Variants in CDH7 observed in about 807,000 individuals in gnomAD.
CDH7 encodes the protein cadherin 7, also known as cadherin-7.
Under a neutral mutation model 71.8 loss-of-function variants are expected in CDH7, and 25 were observed. That is an observed-to-expected ratio of 0.35 (90% confidence interval 0.25 to 0.49). The LOEUF (loss-of-function observed/expected upper bound fraction) is 0.49. Among genes scored for constraint, CDH7 ranks in the 20% least tolerant of loss-of-function variants. CDH7 has a pLI of 0.99. For missense variants in CDH7, 862 were observed against 974.6 expected, an observed-to-expected ratio of 0.88 and a Z score of 1.54; for synonymous variants, 381 against 363.8, an observed-to-expected ratio of 1.05 and a Z score of -0.54.
chr18:65,827,715 C>A (rs1385279), intron 6 of CDH7, among the ~76,000 whole-genome samples: 1,602 of 151,766 alleles, frequency 0.011, 24 homozygotes, highest in African/African-American at 0.037. Flanking sequence ...AATATATATA[C>A]CATATTGAGG....
At chr18:65,754,306 T>A (rs1249247324) in intron 1 of CDH7, among the ~76,000 whole-genome samples, 1 of 152,188 alleles carries the variant, frequency 6.6e-6, no homozygotes, top group Non-Finnish European at 1.5e-5. Flanking sequence ...GCTGTGTGAT[T>A]CATTTCCAGG....
At chr18:65,761,450 G>C (rs192053154) in intron 1 of CDH7, among the ~76,000 whole-genome samples, 1 of 150,730 alleles carries the variant, frequency 6.6e-6, no homozygotes, top group Non-Finnish European at 1.5e-5. Context: ...AGACTGAAAA[G>C]CTTATGAGGA....
chr18:65,772,270 T>C (rs536026038), intron 2 of CDH7, among the ~76,000 whole-genome samples: 3 of 152,280 alleles, frequency 2.0e-5, no homozygotes, highest in African/African-American at 7.2e-5. Flanking sequence ...GGAATGTGTA[T>C]GGAGAAGAAA....
chr18:65,848,528 T>C (rs575910434), intron 7 of CDH7, among the ~76,000 whole-genome samples: 2 of 146,650 alleles, frequency 1.4e-5, no homozygotes, highest in South Asian at 4.5e-4. Context: ...AAGTAGGGCT[T>C]CAAGAGATGG....
chr18:65,828,060 T>C (rs1462740394), intron 6 of CDH7, among the ~76,000 whole-genome samples: 2 of 151,710 alleles, frequency 1.3e-5, no homozygotes, highest in Admixed American at 6.6e-5. Flanking sequence ...AGATACTAGA[T>C]AGTGGGAAAA....
chr18:65,823,775 C>A (rs545613068), intron 5 of CDH7, among the ~76,000 whole-genome samples: 1 of 151,634 alleles, frequency 6.6e-6, no homozygotes, highest in Non-Finnish European at 1.5e-5. Context: ...TTTCTTATCC[C>A]TTCACAAGAC....
rs148841669 is a variant in CDH7, at chr18:65,778,271, CAAAAAAAAAAAAAAA to C, written c.210+15235_210+15249del. 5.9e-5 allele frequency among the ~76,000 whole-genome samples: 5 copies of C among 84,344 alleles called. No individual in the cohort carries two copies. In the Admixed American group the frequency reaches 6.0e-4, roughly 10 times the overall value. 55.3% of individuals were successfully genotyped at this position (84,344 alleles called of 152,430 possible). On this transcript the variant is annotated intron_variant, in intron 2 of 11. Transcript: ENST00000397968. The stretch of plus-strand genomic sequence containing the variant: ...TGGGTGACAGCATGAGACTCTGTCT[CAAAAAAAAAAAAAAA>C]AAAAAAAAAAAAAAACCTAGTGCCA...
intron 3 of CDH7, 138 bp downstream of exon 3, chr18:65,810,136 G>T: frequency 1.5e-6 from 1 of 676,986 alleles, no homozygotes; most frequent in Middle Eastern, 3.3e-4. Context: ...TAGGGTGAGG[G>T]GAACATTTGA....
At chr18:65,835,663 G>A (rs2143969533) in intron 6 of CDH7, among the ~76,000 whole-genome samples, 1 of 152,294 alleles carries the variant, frequency 6.6e-6, no homozygotes, top group African/African-American at 2.4e-5. Context: ...CCTCAGCGTA[G>A]TAAGGGAATT....
At chr18:65,872,731 C>CA (rs1913964235) in intron 11 of CDH7, among the ~76,000 whole-genome samples, 1 of 151,908 alleles carries the variant, frequency 6.6e-6, no homozygotes, top group Non-Finnish European at 1.5e-5. Context: ...TCTTTCTCTA[C>CA]AAAAAATAAA....
intron 2 of CDH7, among the ~76,000 whole-genome samples, chr18:65,795,839 A>G (rs1910892476): frequency 6.6e-6 from 1 of 152,022 alleles, no homozygotes; most frequent in South Asian, 2.1e-4. Context: ...GAGGTAATTG[A>G]ATCATGGAGG....
chr18:65,853,920 T>TATATATATATATATATCC (rs1913241969), intron 7 of CDH7, among the ~76,000 whole-genome samples: 3 of 70,572 alleles, frequency 4.3e-5, no homozygotes, highest in African/African-American at 2.3e-4. Context: ...TATATATATA[T>TATATATATATATATATCC]ATATATATAT....
intron 1 of CDH7, among the ~76,000 whole-genome samples, chr18:65,760,617 G>T (rs754969864): frequency 5.9e-5 from 9 of 152,128 alleles, no homozygotes; most frequent in Non-Finnish European, 1.2e-4. Flanking sequence ...GGAGAGTGGT[G>T]AAACTGGAAC....
intron 4 of CDH7, among the ~76,000 whole-genome samples, chr18:65,821,604 T>C (rs1290528542): frequency 1.3e-5 from 2 of 152,162 alleles, no homozygotes; most frequent in Non-Finnish European, 2.9e-5. Context: ...TGTGTTTGTG[T>C]TTGAGAGCTA....
intron 5 of CDH7, among the ~76,000 whole-genome samples, chr18:65,824,331 TATA>T (rs1417905483): frequency 1.3e-5 from 2 of 151,852 alleles, no homozygotes; most frequent in Non-Finnish European, 2.9e-5. Context: ...GTATATCAAT[TATA>T]ATTACTTTAA....
chr18:65,777,874 T>A (rs1910008251), intron 2 of CDH7, among the ~76,000 whole-genome samples: 1 of 152,118 alleles, frequency 6.6e-6, no homozygotes, highest in Non-Finnish European at 1.5e-5. Flanking sequence ...ATTTAGCAAT[T>A]TTGGTCTGTA....
intron 7 of CDH7, among the ~76,000 whole-genome samples, chr18:65,850,956 C>T (rs1913130035): frequency 6.6e-6 from 1 of 151,828 alleles, no homozygotes; most frequent in African/African-American, 2.4e-5. Context: ...GGACTACAGG[C>T]AGATACCACC....
At chr18:65,840,339 C>A (rs1386663457) in intron 6 of CDH7, among the ~76,000 whole-genome samples, 5 of 152,044 alleles carry the variant, frequency 3.3e-5, no homozygotes, top group African/African-American at 7.2e-5. Flanking sequence ...TGATTCCAGA[C>A]TTGAAGTGGT....
intron 7 of CDH7, among the ~76,000 whole-genome samples, chr18:65,854,802 T>C (rs1913289894): frequency 6.6e-6 from 1 of 152,152 alleles, no homozygotes; most frequent in Admixed American, 6.6e-5. Context: ...GTTATAATCC[T>C]CTTATCAAAC....
Sources: allele counts gnomAD v4.1 joint callset (sites outside exome capture counted in the v4.1 genomes callset), GRCh38; gene constraint gnomAD v4.1.1; transcripts MANE v1.5; gene names NCBI Gene and HGNC (gene_info 2026-07-23, HGNC 2026-07-21).